The following ARHGAP10 variants were observed in gnomAD, a reference collection of about 807,000 sequenced individuals.
ARHGAP10 encodes rho GTPase-activating protein 10.
Under a neutral mutation model 108.6 loss-of-function variants are expected in ARHGAP10, and 87 were observed. That is an observed-to-expected ratio of 0.80 (90% confidence interval 0.67 to 0.96). ARHGAP10 has a LOEUF of 0.96. ARHGAP10 is among the 40% of genes least tolerant of loss of function. The pLI is 0.00. For missense variants in ARHGAP10, 939 were observed against 954.5 expected, an observed-to-expected ratio of 0.98 and a Z score of 0.21; for synonymous variants, 347 against 341.1, an observed-to-expected ratio of 1.02 and a Z score of -0.19.
intron 1 of ARHGAP10, among the ~76,000 whole-genome samples, chr4:147,765,325 TG>T (rs1729753796): frequency 4.6e-5 from 1 of 21,772 alleles, no homozygotes; most frequent in African/African-American, 8.5e-5. Context: ...TGTGCTGTGG[TG>T]TGTGTGTGTG....
intron 10 of ARHGAP10, among the ~76,000 whole-genome samples, chr4:147,902,617 C>G (rs1736295912): frequency 6.6e-6 from 1 of 151,996 alleles, no homozygotes; most frequent in African/African-American, 2.4e-5. Context: ...GGCTGTGCAC[C>G]TGTAGTCCCA....
intron 18 of ARHGAP10, among the ~76,000 whole-genome samples, chr4:148,021,117 G>A (rs1031332223): frequency 6.6e-6 from 1 of 152,152 alleles, no homozygotes; most frequent in Non-Finnish European, 1.5e-5. Flanking sequence ...GCTAAACAGT[G>A]CCTTAAGTCT....
intron 13 of ARHGAP10, among the ~76,000 whole-genome samples, chr4:147,930,123 G>T (rs1274778085): frequency 1.3e-5 from 2 of 152,106 alleles, no homozygotes; most frequent in Non-Finnish European, 2.9e-5. Flanking sequence ...CTCATTCCAT[G>T]CCAGGCAATC....
At chr4:147,939,685 C>T (rs1352863687) in intron 13 of ARHGAP10, 140 bp from the exon 14 acceptor site, 2 of 751,242 alleles carry the variant, frequency 2.7e-6, no homozygotes, top group Non-Finnish European at 4.6e-6. Flanking sequence ...TTGTTAAACA[C>T]TTGATTTTTT....
At chr4:147,761,324 T>C (rs1196978513) in intron 1 of ARHGAP10, among the ~76,000 whole-genome samples, 1 of 152,230 alleles carries the variant, frequency 6.6e-6, no homozygotes, top group African/African-American at 2.4e-5. Flanking sequence ...GCGTAATCTC[T>C]ATATAGAGTT....
At chr4:147,853,971 AC>A (rs943408770) in intron 4 of ARHGAP10, among the ~76,000 whole-genome samples, 47 of 152,078 alleles carry the variant, frequency 3.1e-4, no homozygotes, top group Admixed American at 1.3e-3. Flanking sequence ...CTTTTTTTAA[AC>A]CCAGTGATGT....
chr4:148,068,577 G>A (rs924902854), intron 22 of ARHGAP10, among the ~76,000 whole-genome samples: 3 of 152,170 alleles, frequency 2.0e-5, no homozygotes, highest in Non-Finnish European at 4.4e-5. Context: ...TCACACATAT[G>A]CAAAATAAAT....
intron 1 of ARHGAP10, among the ~76,000 whole-genome samples, chr4:147,787,159 G>A (rs1170863853): frequency 1.3e-5 from 2 of 152,154 alleles, no homozygotes; most frequent in South Asian, 2.1e-4. Context: ...TCACATAATC[G>A]GGTGCTGGAG....
chr4:148,058,756 C>A (rs1729472903), intron 20 of ARHGAP10, among the ~76,000 whole-genome samples: 1 of 152,212 alleles, frequency 6.6e-6, no homozygotes, highest in South Asian at 2.1e-4. Context: ...TGTAAAGTAA[C>A]CACATATACA....
At chr4:147,831,355 A>G (rs983944835) in intron 3 of ARHGAP10, among the ~76,000 whole-genome samples, 2 of 152,226 alleles carry the variant, frequency 1.3e-5, no homozygotes, top group African/African-American at 2.4e-5. Context: ...TTTTAGTGTT[A>G]CTTACTTTGT....
chr4:147,972,595 C>T (rs951154390), intron 18 of ARHGAP10, among the ~76,000 whole-genome samples: 1 of 152,032 alleles, frequency 6.6e-6, no homozygotes, highest in Non-Finnish European at 1.5e-5. Flanking sequence ...ATAGAGGAGC[C>T]AGAAGAAACC....
Position 147,881,922 on chromosome 4 carries a change from G to A in ARHGAP10, c.1024G>A (p.Ala342Thr). Residue 342 changes from alanine (A) to threonine (T), a missense_variant, in exon 10 of 23, where the codon GCT becomes ACT. Physicochemically the swap from Ala to Thr is moderately conservative, Grantham distance 58 (BLOSUM62 0). Transcript: ENST00000336498. ...CAGAAGGTTTTGTTTTGACATAGAA[G>A]CTGCTGATCGGTAAGTTATTGGAAT... is the stretch of plus-strand genomic sequence containing the variant. ...IDRRFCFDIE[A>T]ADRPGVSLTM... is the part of the protein sequence containing the mutation. 1.2e-6 allele frequency: 2 copies of A among 1,613,954 alleles called. No homozygotes were observed. The highest frequency in any genetic ancestry group is 1.7e-6 in the Non-Finnish European group (2 of 1,179,924).
chr4:147,866,686 A>G (rs774372168), intron 6 of ARHGAP10, 26 bp from the exon 7 acceptor site: 21 of 1,549,150 alleles, frequency 1.4e-5, no homozygotes, highest in Admixed American at 1.8e-5. Context: ...TTTTGTGCTA[A>G]TATCTCTTTT....
At chr4:147,872,099 C>CAAAA (rs36205660) in intron 7 of ARHGAP10, among the ~76,000 whole-genome samples, 58 of 69,950 alleles carry the variant, frequency 8.3e-4, no homozygotes, top group African/African-American at 2.3e-3. Context: ...GAGACTCGGT[C>CAAAA]AAAAAAAAAA....
chr4:147,785,179 CAG>C (rs1345020827), intron 1 of ARHGAP10, among the ~76,000 whole-genome samples: 1 of 147,288 alleles, frequency 6.8e-6, no homozygotes, highest in Admixed American at 7.0e-5. Flanking sequence ...AACATTGAAA[CAG>C]AGTTTTTGAA....
Position 147,751,778 on chromosome 4 carries a change from A to AT in ARHGAP10, c.154+19327dup, listed in dbSNP as rs764309821. Reference sequence around the variant, plus strand: ...GATAGTTAATCTCGTAATAATTGCCATTTTGCAATTTAAGAACGTGGGTTT... The same window carrying AT: ...GATAGTTAATCTCGTAATAATTGCCATTTTTGCAATTTAAGAACGTGGGTTT... On this transcript the variant is annotated intron_variant, in intron 1 of 22. Coordinates refer to ENST00000336498, the MANE Select transcript of ARHGAP10 (RefSeq NM_024605.4). 1.1e-3 allele frequency among the ~76,000 whole-genome samples: 161 copies of AT among 151,378 alleles called. 3 individuals are homozygous for AT. The Middle Eastern group carries it at 0.014, about 13-fold the overall frequency.
chr4:147,975,570 A>T (rs1739562040), intron 18 of ARHGAP10, among the ~76,000 whole-genome samples: 1 of 152,198 alleles, frequency 6.6e-6, no homozygotes, highest in Non-Finnish European at 1.5e-5. Context: ...TGGCAGAAGG[A>T]CAAGAGAACA....
intron 10 of ARHGAP10, among the ~76,000 whole-genome samples, chr4:147,893,730 A>C (rs1735880715): frequency 6.6e-6 from 1 of 151,912 alleles, no homozygotes. Flanking sequence ...TGATTTGTTC[A>C]ATGATGATCA....
intron 1 of ARHGAP10, among the ~76,000 whole-genome samples, chr4:147,757,430 A>G (rs1028522301): frequency 1.3e-5 from 2 of 152,140 alleles, no homozygotes; most frequent in Non-Finnish European, 2.9e-5. Context: ...TCCTGAGCTC[A>G]GGCAATCTGC....
Sources: allele counts gnomAD v4.1 joint callset (sites outside exome capture counted in the v4.1 genomes callset), GRCh38; gene constraint gnomAD v4.1.1; transcripts MANE v1.5; gene names NCBI Gene and HGNC (gene_info 2026-07-23, HGNC 2026-07-21).